The following IPO9 variants were observed in gnomAD, a reference collection of about 807,000 sequenced individuals.
IPO9 encodes the protein importin 9.
Under a neutral mutation model 128.6 loss-of-function variants are expected in IPO9, and 28 were observed. The ratio of observed to expected loss-of-function variants is 0.22; its 90% CI spans 0.16 to 0.30. IPO9 has a LOEUF of 0.30. IPO9 is among the 10% of genes least tolerant of loss of function. The probability of loss-of-function intolerance (pLI) is 1.00; values close to 1 mark genes in which losing one functional copy is unlikely to be tolerated. For missense variants in IPO9, 935 were observed against 1,293.9 expected, an observed-to-expected ratio of 0.72 and a Z score of 4.26; for synonymous variants, 455 against 475.8, an observed-to-expected ratio of 0.96 and a Z score of 0.57.
rs143804641 is a variant in IPO9 at position 201,863,482 on chromosome 1, T to C, written c.1503T>C (p.Ala501=). The change falls in exon 14 of 24, where the codon GCT becomes GCC. Residue 501 remains alanine (A), a synonymous_variant. Coordinates refer to ENST00000361565, the MANE Select transcript of IPO9 (RefSeq NM_018085.5). The part of the protein sequence containing the change: ...SPFLLGRALW[A]ASRFTVAMSP... ...TCCTCTTGGGCCGGGCACTTTGGGC[T>C]GCCAGTCGGTTCACTGTTGCTATGT... is the stretch of plus-strand genomic sequence containing the variant. 6.3e-7 allele frequency: 1 copy of C among 1,591,646 alleles called. No homozygotes were observed.
intron 9 of IPO9, 40 bp from the exon 10 acceptor site, chr1:201,855,743 T>A: frequency 6.3e-7 from 1 of 1,578,860 alleles, no homozygotes; most frequent in South Asian, 1.2e-5. Flanking sequence ...TTCCTTTTGC[T>A]TTCTTGTCAT....
intron 1 of IPO9, among the ~76,000 whole-genome samples, chr1:201,834,454 G>A (rs967162543): frequency 1.3e-5 from 2 of 151,966 alleles, no homozygotes; most frequent in Non-Finnish European, 2.9e-5. Flanking sequence ...GAGAATGTCA[G>A]CCTTTTATTT....
rs1177289537 is a variant in IPO9 at position 201,877,942 on chromosome 1, GAA to G, written c.*1890_*1891del. On this transcript the variant is annotated 3_prime_UTR_variant, in exon 24 of 24. Transcript: ENST00000361565. ...AACTCTGTCTCAAAAAAAAAAAAGA[GAA>G]AGAATATAAAGTGAATCTGAATCTC... is the stretch of plus-strand genomic sequence containing the variant. 1.3e-4 allele frequency: 20 copies of G among 151,414 alleles called. No individual in the cohort carries two copies. Among genetic ancestry groups the G allele is most frequent in the African/African-American group, 4.7e-4 (19 of 40,816 alleles). 9.4% of individuals were successfully genotyped at this position (151,414 alleles called of 1,614,324 possible).
intron 4 of IPO9, among the ~76,000 whole-genome samples, chr1:201,849,251 A>G (rs753580691): frequency 2.0e-4 from 30 of 152,172 alleles, no homozygotes; most frequent in Non-Finnish European, 3.7e-4. Flanking sequence ...GTTCAAAGAG[A>G]TTTGATGGAT....
At chr1:201,865,423 G>A (rs577796543) in intron 14 of IPO9, among the ~76,000 whole-genome samples, 2 of 152,082 alleles carry the variant, frequency 1.3e-5, no homozygotes, top group East Asian at 3.9e-4. Flanking sequence ...GGTCAGGCTG[G>A]TTTCAAACTC....
chr1:201,872,196 G>A (rs372136409), intron 19 of IPO9, among the ~76,000 whole-genome samples: 6 of 152,146 alleles, frequency 3.9e-5, no homozygotes, highest in Non-Finnish European at 7.4e-5. Flanking sequence ...CAGCCTGGGC[G>A]ACGAGCGAAA....
In IPO9 at chr1:201,877,895, G is replaced by A. The variant is rs538249967; in HGVS notation, c.*1841G>A. On this transcript the variant is annotated 3_prime_UTR_variant, in exon 24 of 24. Coordinates refer to ENST00000361565, the MANE Select transcript of IPO9 (RefSeq NM_018085.5). ...GCCAAGATCGCACCATTGCACTACA[G>A]CCTGGGCAACAAGAGGAGCGAAACT... 2 of 152,004 alleles carry A rather than the reference G, an allele frequency of 1.3e-5. No individual in the cohort carries two copies. The highest frequency in any genetic ancestry group is 3.9e-4 in the East Asian group (2 of 5,180). The allele number at this position is 152,004 out of a possible 1,614,324, so 9.4% of individuals were successfully genotyped here.
intron 1 of IPO9, among the ~76,000 whole-genome samples, chr1:201,836,119 C>CAAAAAAAAA (rs34447985): frequency 2.0e-4 from 11 of 55,364 alleles, no homozygotes; most frequent in Non-Finnish European, 2.7e-4. Flanking sequence ...GACTCCATCT[C>CAAAAAAAAA]AAAAAAAAAA....
chr1:201,869,506 A>G (rs1680611386), intron 16 of IPO9, 84 bp from the exon 17 acceptor site: 2 of 1,527,996 alleles, frequency 1.3e-6, no homozygotes, highest in Non-Finnish European at 8.9e-7. Context: ...TTGCTATGTA[A>G]TACCCATCCA....
chr1:201,852,078 TAACA>T, intron 4 of IPO9, 22 bp from the exon 5 acceptor site: 1 of 1,425,856 alleles, frequency 7.0e-7, no homozygotes, highest in Non-Finnish European at 9.8e-7. Flanking sequence ...ATTTTTTTTT[TAACA>T]GTACTACTTT....
chr1:201,857,557 A>AG (rs1680354894), intron 11 of IPO9, among the ~76,000 whole-genome samples: 1 of 152,152 alleles, frequency 6.6e-6, no homozygotes, highest in African/African-American at 2.4e-5. Context: ...GCACTTGGGG[A>AG]GGCCGAGGCG....
Position 201,870,951 on chromosome 1 carries a change from T to TA in IPO9, c.2409+94dup, listed in dbSNP as rs1680639973. Reference sequence around the variant, plus strand: ...CCTGAGTTATTTTATTTTACCCTCTTACTAGCCTTGTAGGACAGTTAAGTA... The same window carrying TA: ...CCTGAGTTATTTTATTTTACCCTCTTAACTAGCCTTGTAGGACAGTTAAGTA... On this transcript the variant is annotated intron_variant, in intron 18 of 23. Coordinates refer to ENST00000361565, the MANE Select transcript of IPO9 (RefSeq NM_018085.5). This position sits in a 1 kb window ranked among gnomAD's most constrained non-coding sequence, Gnocchi z 4.9. The TA allele has an allele frequency of 2.1e-6, 3 of 1,425,870 alleles. No individual in the cohort carries two copies. The highest frequency in any genetic ancestry group is 2.8e-6 in the Non-Finnish European group (3 of 1,060,546). 88.3% of individuals were successfully genotyped at this position (1,425,870 alleles called of 1,614,324 possible).
intron 4 of IPO9, chr1:201,850,870 T>A (rs540755532): frequency 6.6e-6 from 1 of 152,314 alleles, no homozygotes; most frequent in Non-Finnish European, 1.5e-5. Flanking sequence ...AATTCAACCT[T>A]GAGTATTTGA....
chr1:201,847,613 T>G lies in IPO9; in HGVS notation c.287T>G (p.Phe96Cys), dbSNP rs1398856473. 4.3e-6 allele frequency: 7 copies of G among 1,613,676 alleles called. No homozygotes were observed. The highest frequency in any genetic ancestry group is 5.9e-6 in the Non-Finnish European group (7 of 1,179,732). ...ETHWCAQSEK[F>C]RPPETTERAK... ...CACTGGTGTGCCCAATCAGAGAAAT[T>G]TAGGCCTCCTGAAACTACAGAAAGG... Residue 96 changes from phenylalanine (F) to cysteine (C), a missense_variant, in exon 3 of 24, where the codon TTT becomes TGT. Physicochemically the swap from Phe to Cys is radical, Grantham distance 205 (BLOSUM62 -2). Coordinates refer to ENST00000361565, the MANE Select transcript of IPO9 (RefSeq NM_018085.5).
chr1:201,849,082 G>T (rs372350738), intron 4 of IPO9, among the ~76,000 whole-genome samples: 1 of 152,152 alleles, frequency 6.6e-6, no homozygotes, highest in Non-Finnish European at 1.5e-5. Flanking sequence ...GCAAAGTTAA[G>T]AATTGTAAAA....
In IPO9 at chr1:201,877,406, G is replaced by A. The variant is rs1043278021; in HGVS notation, c.*1352G>A. The A allele has an allele frequency of 1.3e-5, 2 of 152,120 alleles. No homozygotes were observed. The highest frequency in any genetic ancestry group is 4.8e-5 in the African/African-American group (2 of 41,392). 9.4% of individuals were successfully genotyped at this position (152,120 alleles called of 1,614,324 possible). A position where few individuals can be genotyped will look rare whatever the true frequency, so the allele number is the denominator to read the frequency against. ...AATCCCAGTTAACTTGAGATGCTGA[G>A]GCAGGAGAATCGCTTGAACTTGGGA... On this transcript the variant is annotated 3_prime_UTR_variant, in exon 24 of 24. Transcript: ENST00000361565.
intron 9 of IPO9, 39 bp from the exon 10 acceptor site, chr1:201,855,744 T>C (rs765937116): frequency 1.3e-6 from 2 of 1,579,710 alleles, no homozygotes; most frequent in Non-Finnish European, 1.7e-6. Flanking sequence ...TCCTTTTGCT[T>C]TCTTGTCATT....
At chr1:201,856,712 G>C (rs1388989469) in intron 10 of IPO9, among the ~76,000 whole-genome samples, 1 of 152,094 alleles carries the variant, frequency 6.6e-6, no homozygotes, top group East Asian at 1.9e-4. Flanking sequence ...TTTGGGACAG[G>C]GTCTTGCTGT....
In IPO9 at chr1:201,876,443, C is replaced by T. The variant is rs1347702747; in HGVS notation, c.*389C>T. 2.8e-6 allele frequency: 1 copy of T among 360,108 alleles called. No homozygotes were observed. The highest frequency in any genetic ancestry group is 5.4e-6 in the Non-Finnish European group (1 of 183,900). 22.3% of individuals were successfully genotyped at this position (360,108 alleles called of 1,614,324 possible). A position where few individuals can be genotyped will look rare whatever the true frequency, so the allele number is the denominator to read the frequency against. On this transcript the variant is annotated 3_prime_UTR_variant, in exon 24 of 24. Transcript: ENST00000361565. ...AGTCACTACCATTTATATTCTAAAACAGACCTATCTATGTTCATAGGACTT... is the reference window on the plus strand; with the variant it reads ...AGTCACTACCATTTATATTCTAAAATAGACCTATCTATGTTCATAGGACTT...
Sources: gnomAD v4.1 joint callset for allele counts (sites outside exome capture counted in the v4.1 genomes callset) on GRCh38, gnomAD v4.1.1 for gene constraint, Gnocchi (gnomAD v3.1) non-coding constraint, MANE v1.5 for transcripts, NCBI Gene and HGNC (gene_info 2026-07-23, HGNC 2026-07-21) for gene names.